CUX1: variants seen among roughly 807,000 people sequenced by gnomAD.
CUX1 encodes protein CASP.
Under a neutral mutation model 158.8 loss-of-function variants are expected in CUX1, and 31 were observed. That is an observed-to-expected ratio of 0.20 (90% CI 0.15 to 0.26). The LOEUF (loss-of-function observed/expected upper bound fraction) is 0.26, where lower values mean the gene tolerates loss of function less well. Among genes scored for constraint, CUX1 ranks in the 10% least tolerant of loss-of-function variants. The pLI is 1.00. For synonymous variants in CUX1, 879 were observed against 862.1 expected, an observed-to-expected ratio of 1.02 and a Z score of -0.34; for missense variants, 1,589 against 2,014.6, an observed-to-expected ratio of 0.79 and a Z score of 4.04.
In CUX1 at chr7:102,253,170, G is replaced by A. The variant is rs1801701153; in HGVS notation, c.*4128G>A. 1 of 985,378 alleles carries A rather than the reference G, an allele frequency of 1.0e-6. No individual in the cohort carries two copies. 61.0% of individuals were successfully genotyped at this position (985,378 alleles called of 1,614,324 possible). A position where few individuals can be genotyped will look rare whatever the true frequency, so the allele number is the denominator to read the frequency against. On this transcript the variant is annotated 3_prime_UTR_variant, in exon 24 of 24. Coordinates refer to ENST00000292535, the MANE Select transcript of CUX1 (RefSeq NM_181552.4). The stretch of plus-strand genomic sequence containing the variant: ...TTGAAAAACCATCCTGTCTGATGTG[G>A]ACGTTCAGGTCTGCTGGTTGGCGGT...
chr7:101,910,881 A>G (rs1184528148), intron 1 of CUX1, among the ~76,000 whole-genome samples: 3 of 152,204 alleles, frequency 2.0e-5, no homozygotes, highest in African/African-American at 2.4e-5. Flanking sequence ...TTTGTTTTTA[A>G]TAACATCTGA....
intron 4 of CUX1, among the ~76,000 whole-genome samples, chr7:102,084,930 A>G (rs1254459054): frequency 6.9e-6 from 1 of 145,036 alleles, no homozygotes; most frequent in Non-Finnish European, 1.5e-5. Flanking sequence ...GAGAAAGCAG[A>G]CATCCTTGCC....
chr7:101,994,007 A>C (rs1334862036), intron 2 of CUX1, among the ~76,000 whole-genome samples: 1 of 152,158 alleles, frequency 6.6e-6, no homozygotes, highest in East Asian at 1.9e-4. Flanking sequence ...CCCAGAGCCC[A>C]TCTGTCTCCA....
chr7:102,111,620 G>C, intron 6 of CUX1, 78 bp from the exon 7 acceptor site: 2 of 1,346,838 alleles, frequency 1.5e-6, no homozygotes, highest in Non-Finnish European at 2.1e-6. Flanking sequence ...GGAGGGAGCT[G>C]AGCTCAGCCG....
chr7:101,939,834 A>G (rs1807476608), intron 2 of CUX1, among the ~76,000 whole-genome samples: 1 of 151,860 alleles, frequency 6.6e-6, no homozygotes, highest in African/African-American at 2.4e-5. Flanking sequence ...GCGGTAGCTC[A>G]CACTTTGGGA....
At position 102,158,760 on chromosome 7, in the gene CUX1, G is replaced by A. The variant is rs12333925; in HGVS notation, c.723+152G>A. 2.3e-4 allele frequency: 163 copies of A among 713,462 alleles called. No individual in the cohort carries two copies. In the African/African-American group the frequency reaches 2.8e-3, roughly 12 times the overall value. The allele number at this position is 713,462 out of a possible 1,614,324, so 44.2% of individuals were successfully genotyped here. ...GTCGATGCTCCTTCTGTTGTCATGA[G>A]AAGTAGGAAAAGACATAAAAAGTCC... is the stretch of plus-strand genomic sequence containing the variant. On this transcript the variant is annotated intron_variant, in intron 9 of 23. Transcript: ENST00000292535.
Position 102,253,476 on chromosome 7 carries a change from A to T in CUX1, c.*4434A>T, listed in dbSNP as rs1801742811. The T allele has an allele frequency of 1.0e-6, 1 of 985,372 alleles. No homozygotes were observed. 61.0% of individuals were successfully genotyped at this position (985,372 alleles called of 1,614,324 possible). On this transcript the variant is annotated 3_prime_UTR_variant, in exon 24 of 24. Coordinates refer to ENST00000292535, the MANE Select transcript of CUX1 (RefSeq NM_181552.4). ...GCCTTCCCGACTAAGGTTGGACTGG[A>T]TGACTTTGTTCCTCCTGCATGCATG...
chr7:102,163,801 C>G (rs1563333546), intron 9 of CUX1, among the ~76,000 whole-genome samples: 1 of 152,164 alleles, frequency 6.6e-6, no homozygotes, highest in Non-Finnish European at 1.5e-5. Context: ...CCTTTCCCAT[C>G]AGGAAACCCC....
At chr7:102,045,393 G>T (rs1244096868) in intron 3 of CUX1, among the ~76,000 whole-genome samples, 1 of 152,352 alleles carries the variant, frequency 6.6e-6, no homozygotes, top group Non-Finnish European at 1.5e-5. Flanking sequence ...ATTAATCACG[G>T]CCGCCCGCCC....
chr7:102,214,706 C>T (rs1033571823), intron 20 of CUX1, among the ~76,000 whole-genome samples: 2 of 152,230 alleles, frequency 1.3e-5, no homozygotes, highest in African/African-American at 2.4e-5. Flanking sequence ...CGGACTGGCC[C>T]GAGGGACCTG....
chr7:101,824,883 C>G (rs1465398182), intron 1 of CUX1, among the ~76,000 whole-genome samples: 1 of 152,242 alleles, frequency 6.6e-6, no homozygotes, highest in East Asian at 1.9e-4. Context: ...GACTTTCGTT[C>G]TCCCTCTGGA....
At chr7:102,282,312 G>A (rs1042374447) in intron 21 of CUX1, among the ~76,000 whole-genome samples, 3 of 152,188 alleles carry the variant, frequency 2.0e-5, no homozygotes, top group Admixed American at 2.0e-4. Context: ...TGGAGGTGGC[G>A]TTCTAGTTAG....
At chr7:101,899,902 A>G (rs768622485) in intron 1 of CUX1, among the ~76,000 whole-genome samples, 8 of 152,224 alleles carry the variant, frequency 5.3e-5, no homozygotes, top group Non-Finnish European at 1.0e-4. Flanking sequence ...ATGGGAATTC[A>G]TGCCAGAACC....
intron 9 of CUX1, among the ~76,000 whole-genome samples, chr7:102,166,771 G>A (rs1213567176): frequency 6.6e-6 from 1 of 152,078 alleles, no homozygotes; most frequent in Non-Finnish European, 1.5e-5. Flanking sequence ...CCACCTCAAC[G>A]CTTCATTTTG....
At chr7:101,950,114 G>A (rs987334750) in intron 2 of CUX1, among the ~76,000 whole-genome samples, 5 of 151,204 alleles carry the variant, frequency 3.3e-5, no homozygotes, top group African/African-American at 4.9e-5. Context: ...GGGTTTAAGC[G>A]TTCTCGTGCC....
At chr7:102,209,725 G>A (rs1796343452) in intron 20 of CUX1, among the ~76,000 whole-genome samples, 1 of 152,122 alleles carries the variant, frequency 6.6e-6, no homozygotes, top group South Asian at 2.1e-4. Flanking sequence ...AGCCCCTTTT[G>A]TCTGTCAGTC....
At chr7:101,879,261 G>A (rs13221682) in intron 1 of CUX1, among the ~76,000 whole-genome samples, 11,795 of 151,978 alleles carry the variant, frequency 0.078, 935 homozygotes, top group East Asian at 0.43. Context: ...CAGCTTTGGG[G>A]GACCTTAACC....
intron 2 of CUX1, among the ~76,000 whole-genome samples, chr7:101,991,191 A>G (rs895089599): frequency 6.6e-6 from 1 of 152,140 alleles, no homozygotes; most frequent in African/African-American, 2.4e-5. Context: ...AAAATACCGT[A>G]AAAAAGAAAA....
chr7:101,922,918 A>G (rs996941455), intron 2 of CUX1, among the ~76,000 whole-genome samples: 2 of 152,254 alleles, frequency 1.3e-5, no homozygotes, highest in Admixed American at 6.5e-5. Context: ...TGTTAGAATC[A>G]TGTATGTGAG....
Sources: gnomAD v4.1 joint callset for allele counts (sites outside exome capture counted in the v4.1 genomes callset) on GRCh38, gnomAD v4.1.1 for gene constraint, MANE v1.5 for transcripts, NCBI Gene and HGNC (gene_info 2026-07-23, HGNC 2026-07-21) for gene names.